DENND1C: variants seen among roughly 807,000 people sequenced by gnomAD.
The protein encoded by DENND1C is DENN domain-containing protein 1C.
In DENND1C, 64 loss-of-function variants were observed where a neutral mutation model predicts 87.9. The ratio of observed to expected loss-of-function variants is 0.73; its 90% CI spans 0.60 to 0.90. The LOEUF (loss-of-function observed/expected upper bound fraction) is 0.90. Ranked by LOEUF, DENND1C falls within the 40% of genes least tolerant of loss-of-function variation. The probability of loss-of-function intolerance (pLI) is 0.00; values close to 1 mark genes in which losing one functional copy is unlikely to be tolerated. For synonymous variants in DENND1C, 384 were observed against 424.4 expected, an observed-to-expected ratio of 0.90 and a Z score of 1.17; for missense variants, 980 against 1,037.0, an observed-to-expected ratio of 0.95 and a Z score of 0.76.
chr19:6,477,204 C>T lies in DENND1C; in HGVS notation c.513+14G>A, dbSNP rs779724211. The T allele has an allele frequency of 1.9e-6, 3 of 1,588,372 alleles. No homozygotes were observed. The highest frequency in any genetic ancestry group is 2.3e-5 in the South Asian group (2 of 88,508). ...TGGACCCCCGACCTTCCAGGGTCCC[C>T]GAGCCCCGCTCACCGGCTTGCTATT... On this transcript the variant is annotated intron_variant, in intron 8 of 22. Transcript: ENST00000381480.
intron 4 of DENND1C, 32 bp from the exon 5 acceptor site, chr19:6,479,088 G>C: frequency 6.2e-7 from 1 of 1,612,988 alleles, no homozygotes; most frequent in South Asian, 1.1e-5. Context: ...GAGAGACCTG[G>C]ACATCCCAGC....
chr19:6,481,785 T>C lies in DENND1C; in HGVS notation c.-90A>G. ...GGCCCCAAGCCGGCTCAGCTTCCTGTGTGGCTGAGAGAGGAAGTTTAACGG... is the reference window on the plus strand; with the variant it reads ...GGCCCCAAGCCGGCTCAGCTTCCTGCGTGGCTGAGAGAGGAAGTTTAACGG... On this transcript the variant is annotated 5_prime_UTR_variant, in exon 1 of 23. Coordinates refer to ENST00000381480, the MANE Select transcript of DENND1C (RefSeq NM_024898.4). The C allele has an allele frequency of 7.0e-7, 1 of 1,420,790 alleles. No homozygotes were observed. The highest frequency in any genetic ancestry group is 9.3e-7 in the Non-Finnish European group (1 of 1,076,856). 88.0% of individuals were successfully genotyped at this position (1,420,790 alleles called of 1,614,324 possible).
At position 6,476,938 on chromosome 19, in the gene DENND1C, C is replaced by A; in HGVS notation, c.597G>T (p.Val199=). The part of the protein sequence containing the change: ...NRNLTELVVA[V]TDENIVGLFA... ...ACAGCCCCACGATGTTCTCGTCAGT[C>A]ACGGCCACCACCAGCTCCGTTAGGT... The change falls in exon 10 of 23, where the codon GTG becomes GTT. Residue 199 remains valine (V), a synonymous_variant. Transcript: ENST00000381480. The A allele has an allele frequency of 6.2e-7, 1 of 1,613,642 alleles. No individual in the cohort carries two copies. Among genetic ancestry groups the A allele is most frequent in the South Asian group, 1.1e-5 (1 of 91,080 alleles).
In DENND1C at chr19:6,475,858, G is replaced by C; in HGVS notation, c.758C>G (p.Pro253Arg). 2 of 1,549,430 alleles carry C rather than the reference G, an allele frequency of 1.3e-6. No individual in the cohort carries two copies. Among genetic ancestry groups the C allele is most frequent in the Non-Finnish European group, 1.7e-6 (2 of 1,151,870 alleles). Residue 253 changes from proline to arginine, a missense_variant, in exon 11 of 23, where the codon CCA becomes CGA. Transcript: ENST00000381480. ...TCACCAGCAGTAGTCCAGCAGGTGT[G>C]GGGGCAGCGTGGGGATCAGCACGTG... ...WEHVLIPTLP[P>R]HLLDYCCAPM...
At chr19:6,477,606 T>TTAATAATAA (rs59685749) in intron 6 of DENND1C, 148 bp from the exon 7 acceptor site, 2,969 of 183,294 alleles carry the variant, frequency 0.016, 48 homozygotes, top group Admixed American at 0.024. Flanking sequence ...TTAAAAGAAA[T>TTAATAATAA]TAATAATAAT....
chr19:6,468,167 TG>T, intron 22 of DENND1C, 49 bp from the exon 23 acceptor site: 1 of 1,609,942 alleles, frequency 6.2e-7, no homozygotes, highest in East Asian at 2.2e-5. Context: ...GCAGAGGGGC[TG>T]GCAAGTTGGA....
chr19:6,481,592 C>T, intron 1 of DENND1C, 87 bp downstream of exon 1: 6 of 1,588,472 alleles, frequency 3.8e-6, no homozygotes, highest in Non-Finnish European at 5.1e-6. Flanking sequence ...CCTCCCGGGC[C>T]TGCTCCAGCC....
chr19:6,479,114 C>G, intron 4 of DENND1C, 58 bp from the exon 5 acceptor site: 1 of 1,601,946 alleles, frequency 6.2e-7, no homozygotes, highest in Non-Finnish European at 8.5e-7. Context: ...GAGGATGTCC[C>G]CGCTCCCCAA....
Position 6,467,646 on chromosome 19 carries a change from A to G in DENND1C, c.2264T>C (p.Leu755Pro). Reference sequence around the variant, plus strand: ...CTGGAGGTGAGCGCGCTCTGCCAGCAGGGCTTTGGGAGGCCGGGCTCTGGG... The same window carrying G: ...CTGGAGGTGAGCGCGCTCTGCCAGCGGGGCTTTGGGAGGCCGGGCTCTGGG... ...EDPRARPPKA[L>P]LAERAHLQPR... is the part of the protein sequence containing the mutation. The change falls in exon 23 of 23, where the codon CTG becomes CCG. Residue 755 changes from leucine to proline, a missense_variant. Physicochemically the swap from Leu to Pro is moderately conservative, Grantham distance 98. Coordinates refer to ENST00000381480, the MANE Select transcript of DENND1C (RefSeq NM_024898.4). 6.5e-7 allele frequency: 1 copy of G among 1,542,722 alleles called. No individual in the cohort carries two copies. The highest frequency in any genetic ancestry group is 8.7e-7 in the Non-Finnish European group (1 of 1,147,936).
chr19:6,475,602 T>G lies in DENND1C; in HGVS notation c.826-17A>C. 6.2e-7 allele frequency: 1 copy of G among 1,613,590 alleles called. No homozygotes were observed. Among genetic ancestry groups the G allele is most frequent in the Non-Finnish European group, 8.5e-7 (1 of 1,179,760 alleles). ...TCGTACTCTCTGCGGAAAAGCGGGG[T>G]CGGCCGCTCAGAGCCCGGGAGTCCT... On this transcript the variant is annotated splice_polypyrimidine_tract_variant and intron_variant, in intron 12 of 22. Transcript: ENST00000381480.
At chr19:6,473,216 G>A (rs1365585501) in intron 14 of DENND1C, among the ~76,000 whole-genome samples, 5 of 152,154 alleles carry the variant, frequency 3.3e-5, no homozygotes, top group Non-Finnish European at 7.4e-5. Context: ...ATGCAGTGGC[G>A]TGATCTCAGC....
chr19:6,471,711 C>T (rs537135130), intron 15 of DENND1C, among the ~76,000 whole-genome samples: 7 of 152,258 alleles, frequency 4.6e-5, no homozygotes, highest in South Asian at 2.1e-4. Context: ...GGCGTGATCT[C>T]GGCTCGCTGC....
In DENND1C at chr19:6,468,451, G is replaced by A. The variant is rs763613265; in HGVS notation, c.1584-10C>T. The A allele has an allele frequency of 1.9e-6, 3 of 1,608,598 alleles. No homozygotes were observed. Among genetic ancestry groups the A allele is most frequent in the Non-Finnish European group, 2.5e-6 (3 of 1,177,530 alleles). ...GCTCAGTGGGGGTGTCCTGGGTGAGGATGGGCAGCCTCAGATATTTGCCCA... is the reference window on the plus strand; with the variant it reads ...GCTCAGTGGGGGTGTCCTGGGTGAGAATGGGCAGCCTCAGATATTTGCCCA... On this transcript the variant is annotated splice_polypyrimidine_tract_variant and intron_variant, in intron 21 of 22. Coordinates refer to ENST00000381480, the MANE Select transcript of DENND1C (RefSeq NM_024898.4).
In DENND1C at chr19:6,479,565, C is replaced by T. The variant is rs76364016; in HGVS notation, c.176+104G>A. 12,103 of 1,452,726 alleles carry T rather than the reference C, an allele frequency of 8.3e-3. 833 individuals are homozygous for T. The African/African-American group carries it at 0.15, about 18-fold the overall frequency. 90.0% of individuals were successfully genotyped at this position (1,452,726 alleles called of 1,614,324 possible). A position where few individuals can be genotyped will look rare whatever the true frequency, so the allele number is the denominator to read the frequency against. ...CTGAGTCTCTGAGTCTCAGGGTCCT[C>T]GAGTGTATGGGTTTCCAGATGTCTG... On this transcript the variant is annotated intron_variant, in intron 4 of 22. Coordinates refer to ENST00000381480, the MANE Select transcript of DENND1C (RefSeq NM_024898.4).
rs1434972193 is a variant in DENND1C at position 6,468,640 on chromosome 19, C to T, written c.1521G>A (p.Arg507=). 3 of 1,485,286 alleles carry T rather than the reference C, an allele frequency of 2.0e-6. No homozygotes were observed. The highest frequency in any genetic ancestry group is 2.8e-5 in the African/African-American group (2 of 70,790). 92.0% of individuals were successfully genotyped at this position (1,485,286 alleles called of 1,614,324 possible). The part of the protein sequence containing the change: ...LPITQHFGKN[R]PLRPSRRRQL... ...GGCGTCTCCTGCTGGGGCGAAGGGGCCGGTTCTGCAAAGGGTGGGGGCGAT... is the reference window on the plus strand; with the variant it reads ...GGCGTCTCCTGCTGGGGCGAAGGGGTCGGTTCTGCAAAGGGTGGGGGCGAT... The change falls in exon 21 of 23, where the codon CGG becomes CGA. Residue 507 remains arginine, a synonymous_variant. Coordinates refer to ENST00000381480, the MANE Select transcript of DENND1C (RefSeq NM_024898.4).
chr19:6,471,356 G>A, intron 16 of DENND1C, 50 bp downstream of exon 16: 6 of 1,589,810 alleles, frequency 3.8e-6, no homozygotes, highest in Non-Finnish European at 5.1e-6. Context: ...TGAGGCTGGG[G>A]GTGCTGGTGG....
At position 6,475,410 on chromosome 19, in the gene DENND1C, A is replaced by G. The variant is rs577160719; in HGVS notation, c.928-11T>C. Reference sequence around the variant, plus strand: ...CCTCAGCAGGGACACCTGAAGCACAAGGGAGTGGCCCTGAGTGGGCAGGTG... The same window carrying G: ...CCTCAGCAGGGACACCTGAAGCACAGGGGAGTGGCCCTGAGTGGGCAGGTG... On this transcript the variant is annotated splice_polypyrimidine_tract_variant and intron_variant, in intron 13 of 22. Coordinates refer to ENST00000381480, the MANE Select transcript of DENND1C (RefSeq NM_024898.4). 1 of 1,612,062 alleles carries G rather than the reference A, an allele frequency of 6.2e-7. No individual in the cohort carries two copies. Among genetic ancestry groups the G allele is most frequent in the African/African-American group, 1.3e-5 (1 of 75,018 alleles).
intron 20 of DENND1C, 21 bp downstream of exon 20, chr19:6,468,825 T>TG: frequency 6.7e-7 from 1 of 1,499,288 alleles, no homozygotes. Context: ...GGTGTGTGCA[T>TG]GGGGGGAGGG....
intron 21 of DENND1C, 28 bp from the exon 22 acceptor site, chr19:6,468,469 T>C: frequency 6.3e-7 from 1 of 1,598,656 alleles, no homozygotes; most frequent in East Asian, 2.3e-5. Flanking sequence ...GCCTCAGATA[T>C]TTGCCCAAGA....
Sources: allele counts gnomAD v4.1 joint callset (sites outside exome capture counted in the v4.1 genomes callset), GRCh38; gene constraint gnomAD v4.1.1; transcripts MANE v1.5; gene names NCBI Gene and HGNC (gene_info 2026-07-23, HGNC 2026-07-21).